The following CHD6 variants were observed in gnomAD, a reference collection of about 807,000 sequenced individuals.
The protein encoded by CHD6 is chromodomain helicase DNA binding protein 6, also known as ATP-dependent chromatin remodeler CHD6.
Under a neutral mutation model 276.9 loss-of-function variants are expected in CHD6, and 50 were observed. The observed-to-expected ratio is 0.18, with a 90% CI of 0.14 to 0.23. The LOEUF (loss-of-function observed/expected upper bound fraction) is 0.23. Among genes scored for constraint, CHD6 ranks in the 10% least tolerant of loss-of-function variants. The pLI is 1.00. For synonymous variants in CHD6, 1,173 were observed against 1,229.3 expected (o/e 0.95, Z 0.96); for missense variants, 2,564 against 3,365.8 (o/e 0.76, Z 5.89).
At chr20:41,487,079 C>A (rs1249408911) in intron 14 of CHD6, among the ~76,000 whole-genome samples, 5 of 152,032 alleles carry the variant, frequency 3.3e-5, no homozygotes, top group Non-Finnish European at 1.5e-5. Context: ...TTCTATAATC[C>A]CTAGTAGAGT....
rs2046958901 is a variant in CHD6 at position 41,415,261 on chromosome 20, T to C, written c.6864A>G (p.Arg2288=). The change falls in exon 34 of 37, where the codon AGA becomes AGG. Residue 2288 remains arginine, a synonymous_variant. Transcript: ENST00000373233. ...CTCCTTCAACATGTTTCCGCCTCCC[T>C]CTCCGCCTCCTCGTGGCTGCATCAT... The part of the protein sequence containing the change: ...RRDDAATRRR[R]GRRKHVEGGM... 4 of 1,614,032 alleles carry C rather than the reference T, an allele frequency of 2.5e-6. No individual in the cohort carries two copies. Among genetic ancestry groups the C allele is most frequent in the African/African-American group, 2.7e-5 (2 of 74,902 alleles).
chr20:41,435,233 A>G (rs1291902125), intron 27 of CHD6, among the ~76,000 whole-genome samples: 1 of 152,234 alleles, frequency 6.6e-6, no homozygotes, highest in Non-Finnish European at 1.5e-5. Context: ...GGAAATTTAC[A>G]GCACTAAATG....
chr20:41,416,880 AC>A, intron 32 of CHD6, 86 bp from the exon 33 acceptor site: 1 of 1,170,164 alleles, frequency 8.5e-7, no homozygotes, highest in Non-Finnish European at 1.2e-6. Context: ...TAAGCTTTTC[AC>A]CAGAAGGAGT....
intron 3 of CHD6, among the ~76,000 whole-genome samples, chr20:41,525,495 C>T (rs1380279782): frequency 1.3e-5 from 2 of 152,210 alleles, no homozygotes; most frequent in Non-Finnish European, 2.9e-5. Context: ...AGGACTCCCT[C>T]CACACCATTT....
At chr20:41,412,078 T>C in intron 36 of CHD6, 66 bp downstream of exon 36, 21 of 1,589,014 alleles carry the variant, frequency 1.3e-5, no homozygotes, top group Admixed American at 3.6e-5. Flanking sequence ...TTCTCTCAAG[T>C]ATGTAAGGCA....
At chr20:41,508,540 G>A (rs1040384590) in intron 5 of CHD6, among the ~76,000 whole-genome samples, 1 of 152,156 alleles carries the variant, frequency 6.6e-6, no homozygotes, top group Non-Finnish European at 1.5e-5. Flanking sequence ...GCTCAGCACA[G>A]GGGGTGGCAG....
intron 11 of CHD6, among the ~76,000 whole-genome samples, chr20:41,490,691 T>C (rs2043530691): frequency 6.6e-6 from 1 of 152,068 alleles, no homozygotes. Flanking sequence ...CAAGTGCCTG[T>C]AATCCCAGCT....
At chr20:41,422,104 T>C (rs1380365641) in intron 30 of CHD6, 25 bp from the exon 31 acceptor site, 1 of 1,578,430 alleles carries the variant, frequency 6.3e-7, no homozygotes, top group Non-Finnish European at 8.6e-7. Flanking sequence ...AAATAAAGCC[T>C]ATCACTGAAG....
intron 16 of CHD6, among the ~76,000 whole-genome samples, chr20:41,478,765 T>A (rs2043224913): frequency 6.6e-6 from 1 of 152,132 alleles, no homozygotes. Context: ...GTTAACTGCT[T>A]CCAAATAAAA....
intron 1 of CHD6, among the ~76,000 whole-genome samples, chr20:41,580,489 T>TA (rs1008935275): frequency 1.1e-4 from 17 of 149,382 alleles, no homozygotes; most frequent in Admixed American, 5.3e-4. Context: ...GCCCCATCTC[T>TA]AAAAAAAAAT....
chr20:41,526,395 C>T (rs568933186), intron 3 of CHD6, among the ~76,000 whole-genome samples: 81 of 152,272 alleles, frequency 5.3e-4, no homozygotes, highest in African/African-American at 1.9e-3. Context: ...CTGAAATTAG[C>T]CTCAATAAAG....
chr20:41,446,718 T>C (rs1024776357), intron 24 of CHD6, among the ~76,000 whole-genome samples: 1 of 152,176 alleles, frequency 6.6e-6, no homozygotes, highest in Non-Finnish European at 1.5e-5. Flanking sequence ...CCCAGTGCCA[T>C]GGCTGAATGA....
chr20:41,591,200 G>A (rs1241159524), intron 1 of CHD6, among the ~76,000 whole-genome samples: 153 of 127,178 alleles, frequency 1.2e-3, no homozygotes, highest in African/African-American at 4.1e-3. Context: ...ATCACACACC[G>A]GGGCCTGTTG....
chr20:41,518,282 A>G (rs1446050504), intron 3 of CHD6, among the ~76,000 whole-genome samples: 2 of 152,182 alleles, frequency 1.3e-5, no homozygotes, highest in African/African-American at 4.8e-5. Flanking sequence ...TTGTGTGTAT[A>G]TGTGTGTGTG....
In CHD6 at chr20:41,404,461, C is replaced by CA. The variant is rs2046612143; in HGVS notation, c.*131dup. 1.5e-6 allele frequency: 2 copies of CA among 1,368,586 alleles called. No homozygotes were observed. The highest frequency in any genetic ancestry group is 2.9e-5 in the African/African-American group (2 of 69,150). 84.8% of individuals were successfully genotyped at this position (1,368,586 alleles called of 1,614,324 possible). A position where few individuals can be genotyped will look rare whatever the true frequency, so the allele number is the denominator to read the frequency against. On this transcript the variant is annotated 3_prime_UTR_variant, in exon 37 of 37. Transcript: ENST00000373233. ...TATTAACATCTGTTACCATAGTTCTCAGACAGGAAATCAGGTACGTAATCT... is the reference window on the plus strand; with the variant it reads ...TATTAACATCTGTTACCATAGTTCTCAAGACAGGAAATCAGGTACGTAATCT...
At chr20:41,556,025 G>C (rs1215438860) in intron 1 of CHD6, among the ~76,000 whole-genome samples, 1 of 152,228 alleles carries the variant, frequency 6.6e-6, no homozygotes, top group African/African-American at 2.4e-5. Context: ...CGAGGCTGGC[G>C]GATCACTCGC....
rs765014113 is a variant in CHD6 at position 41,415,466 on chromosome 20, G to A, written c.6659C>T (p.Ser2220Phe). ...GWHGESAMDL[S>F]CSSEGSPGAT... ...TCCTGGGGACCCCTCTGATGAGCAGGAGAGGTCCATAGCTGACTCCCCATG... is the reference window on the plus strand; with the variant it reads ...TCCTGGGGACCCCTCTGATGAGCAGAAGAGGTCCATAGCTGACTCCCCATG... The change falls in exon 34 of 37, where the codon TCC becomes TTC. Residue 2220 changes from serine (S) to phenylalanine (F), a missense_variant. Ser to Phe is a radical substitution (Grantham distance 155, BLOSUM62 -2). Transcript: ENST00000373233. 7 of 1,613,260 alleles carry A rather than the reference G, an allele frequency of 4.3e-6. No homozygotes were observed. In the Admixed American group the frequency reaches 6.7e-5, roughly 15 times the overall value.
chr20:41,429,091 C>T (rs2047452790), intron 27 of CHD6, among the ~76,000 whole-genome samples: 1 of 152,140 alleles, frequency 6.6e-6, no homozygotes. Context: ...TTAGAGAGCA[C>T]CTGAGATGTC....
rs1600823668 is a variant in CHD6, at chr20:41,423,601, G to A, written c.4446C>T (p.Arg1482=). The A allele has an allele frequency of 6.2e-7, 1 of 1,614,196 alleles. No homozygotes were observed. The highest frequency in any genetic ancestry group is 2.2e-5 in the East Asian group (1 of 44,884). ...ACTTCTTGTCCAAACGGGAAATGAT[G>A]CGGAACTGTGTCCAGTCAAAGGTTT... is the stretch of plus-strand genomic sequence containing the variant. The part of the protein sequence containing the change: ...EKKTFDWTQF[R]IISRLDKKSD... Residue 1482 remains arginine (R), a synonymous_variant, in exon 30 of 37, where the codon CGC becomes CGT. Transcript: ENST00000373233.
Sources: allele counts gnomAD v4.1 joint callset (sites outside exome capture counted in the v4.1 genomes callset), GRCh38; gene constraint gnomAD v4.1.1; transcripts MANE v1.5; gene names NCBI Gene and HGNC (gene_info 2026-07-23, HGNC 2026-07-21).